PDLIM5: variants seen among roughly 807,000 people sequenced by gnomAD.
PDLIM5 encodes PDZ and LIM domain protein 5.
Under a neutral mutation model 64.2 loss-of-function variants are expected in PDLIM5, and 34 were observed. The ratio of observed to expected loss-of-function variants is 0.53; its 90% confidence interval spans 0.40 to 0.71. The LOEUF (loss-of-function observed/expected upper bound fraction) is 0.71. PDLIM5 is among the 30% of genes least tolerant of loss of function. The pLI is 0.00. For synonymous variants in PDLIM5, 253 were observed against 269.1 expected (o/e 0.94, Z 0.59); for missense variants, 683 against 733.6 (o/e 0.93, Z 0.80).
At chr4:94,577,203 C>T (rs1735344283) in intron 5 of PDLIM5, 1 of 457,094 alleles carries the variant, frequency 2.2e-6, no homozygotes, top group African/African-American at 2.0e-5. Flanking sequence ...ATGGTTTTTA[C>T]CAATGCCAGT....
Position 94,478,888 on chromosome 4 carries a change from G to GTGTTTTTTT in PDLIM5, c.96+23506_96+23514dup, listed in dbSNP as rs1491224019. Among the ~76,000 whole-genome samples the GTGTTTTTTT allele has an allele frequency of 2.1e-3, 225 of 108,494 alleles. 1 individual carries two copies. The highest frequency in any genetic ancestry group is 0.011 in the African/African-American group (215 of 19,772). 71.2% of individuals were successfully genotyped at this position (108,494 alleles called of 152,430 possible). On this transcript the variant is annotated intron_variant, in intron 2 of 12. Transcript: ENST00000317968. ...ATCCAAAAGAAGGTAGGTGTGCTTG[G>GTGTTTTTTT]TGTTTTTTTTTTTTTTTTTTTTTTT...
intron 7 of PDLIM5, among the ~76,000 whole-genome samples, chr4:94,602,338 C>T (rs185851852): frequency 2.0e-5 from 3 of 152,084 alleles, no homozygotes; most frequent in East Asian, 1.9e-4. Context: ...TTTTAAGGTT[C>T]GCCTTTGTGA....
chr4:94,593,163 G>A (rs1246282762), intron 7 of PDLIM5, among the ~76,000 whole-genome samples: 2 of 152,126 alleles, frequency 1.3e-5, no homozygotes, highest in East Asian at 3.8e-4. Context: ...GAAGGAAAAG[G>A]CATTCTAGTA....
intron 2 of PDLIM5, among the ~76,000 whole-genome samples, chr4:94,499,519 TGTATAACAACA>T (rs1328111880): frequency 6.6e-6 from 1 of 152,232 alleles, no homozygotes; most frequent in African/African-American, 2.4e-5. Flanking sequence ...AACCTAATAC[TGTATAACAACA>T]GTTTACATAG....
intron 2 of PDLIM5, among the ~76,000 whole-genome samples, chr4:94,501,751 C>A (rs1004792156): frequency 6.6e-6 from 1 of 152,136 alleles, no homozygotes; most frequent in African/African-American, 2.4e-5. Context: ...CTTCTTATTC[C>A]TCCCTCACTC....
chr4:94,617,989 T>C lies in PDLIM5; in HGVS notation c.921-15T>C. The C allele has an allele frequency of 6.9e-7, 1 of 1,457,258 alleles. No individual in the cohort carries two copies. Among genetic ancestry groups the C allele is most frequent in the Non-Finnish European group, 9.2e-7 (1 of 1,090,466 alleles). The allele number at this position is 1,457,258 out of a possible 1,614,324, so 90.3% of individuals were successfully genotyped here. A position where few individuals can be genotyped will look rare whatever the true frequency, so the allele number is the denominator to read the frequency against. On this transcript the variant is annotated splice_polypyrimidine_tract_variant and intron_variant, in intron 7 of 12. Transcript: ENST00000317968. ...CTACCACTTCACCAAAGATGTTTCT[T>C]TATTTCCTTTACAGTAACTCTCAGG...
chr4:94,464,587 T>G (rs937143465), intron 2 of PDLIM5, among the ~76,000 whole-genome samples: 3 of 152,240 alleles, frequency 2.0e-5, no homozygotes, highest in African/African-American at 7.2e-5. Flanking sequence ...TTTTGTCCCT[T>G]AACTAGGACC....
chr4:94,597,481 G>GAAGTGA (rs1228878843), intron 7 of PDLIM5, among the ~76,000 whole-genome samples: 1 of 152,138 alleles, frequency 6.6e-6, no homozygotes, highest in Non-Finnish European at 1.5e-5. Context: ...GTAAAAAACA[G>GAAGTGA]AAGTGATGTC....
chr4:94,575,552 C>A, intron 4 of PDLIM5, 64 bp from the exon 5 acceptor site: 1 of 1,129,046 alleles, frequency 8.9e-7, no homozygotes, highest in Non-Finnish European at 1.3e-6. Flanking sequence ...GTGTTCTTTT[C>A]GGTGAAATAT....
chr4:94,493,843 C>T (rs777729670), intron 2 of PDLIM5, among the ~76,000 whole-genome samples: 5 of 152,130 alleles, frequency 3.3e-5, no homozygotes, highest in Non-Finnish European at 7.4e-5. Context: ...TTGTAATCTG[C>T]CTTCTCACTG....
rs530925001 is a variant in PDLIM5, at chr4:94,483,621, A to ATT, written c.96+28238_96+28239dup. Reference sequence around the variant, plus strand: ...ATGTTAAAGAAACTTGGTCATTTGAATTAGATAAAATAATTTTCTGAGGGA... The same window carrying ATT: ...ATGTTAAAGAAACTTGGTCATTTGAATTTTAGATAAAATAATTTTCTGAGGGA... On this transcript the variant is annotated intron_variant, in intron 2 of 12. Transcript: ENST00000317968. 1.7e-3 allele frequency among the ~76,000 whole-genome samples: 255 copies of ATT among 152,298 alleles called. 1 individual carries two copies. The highest frequency in any genetic ancestry group is 2.1e-3 in the Non-Finnish European group (142 of 68,006).
intron 2 of PDLIM5, among the ~76,000 whole-genome samples, chr4:94,481,680 C>T (rs907433086): frequency 2.0e-5 from 3 of 152,060 alleles, no homozygotes; most frequent in African/African-American, 2.4e-5. Flanking sequence ...GCGATCTCCG[C>T]TCACTTTAAG....
intron 7 of PDLIM5, among the ~76,000 whole-genome samples, chr4:94,604,314 G>A (rs758737189): frequency 2.6e-5 from 4 of 152,034 alleles, no homozygotes; most frequent in South Asian, 2.1e-4. Flanking sequence ...AGTCATCTTC[G>A]GGTCAGGCTT....
intron 8 of PDLIM5, among the ~76,000 whole-genome samples, chr4:94,631,308 A>G (rs1395426480): frequency 6.6e-6 from 1 of 152,192 alleles, no homozygotes; most frequent in Non-Finnish European, 1.5e-5. Context: ...CCTTGCAGCC[A>G]TTAATTATAA....
intron 2 of PDLIM5, chr4:94,456,095 C>A: frequency 1.2e-6 from 1 of 820,426 alleles, no homozygotes; most frequent in Non-Finnish European, 1.7e-6. Flanking sequence ...CTTTCATCAC[C>A]AGTAGGTAAT....
At chr4:94,555,434 C>A (rs998813293) in intron 3 of PDLIM5, among the ~76,000 whole-genome samples, 3 of 152,064 alleles carry the variant, frequency 2.0e-5, no homozygotes, top group African/African-American at 7.2e-5. Flanking sequence ...CTAGGAGCAT[C>A]TGTATATACA....
chr4:94,608,105 C>T (rs1738074037), intron 7 of PDLIM5: 1 of 1,532,254 alleles, frequency 6.5e-7, no homozygotes, highest in Non-Finnish European at 8.7e-7. Flanking sequence ...ACCTCACCCT[C>T]CTGCAACTCC....
intron 2 of PDLIM5, among the ~76,000 whole-genome samples, chr4:94,510,082 T>C (rs1410829155): frequency 1.3e-5 from 2 of 152,170 alleles, no homozygotes; most frequent in Non-Finnish European, 2.9e-5. Context: ...AATGAATAAA[T>C]GCATAGTTCA....
chr4:94,475,197 A>C (rs865835510), intron 2 of PDLIM5, among the ~76,000 whole-genome samples: 4 of 152,092 alleles, frequency 2.6e-5, no homozygotes, highest in African/African-American at 7.2e-5. Context: ...TTTTCTCCTC[A>C]AAGGAGGTTG....
Sources: gnomAD v4.1 joint callset for allele counts (sites outside exome capture counted in the v4.1 genomes callset) on GRCh38, gnomAD v4.1.1 for gene constraint, MANE v1.5 for transcripts, NCBI Gene and HGNC (gene_info 2026-07-23, HGNC 2026-07-21) for gene names.